FBXL7: variants seen among roughly 807,000 people sequenced by gnomAD.
FBXL7 encodes the protein F-box/LRR-repeat protein 7.
In FBXL7, 12 loss-of-function variants were observed where a neutral mutation model predicts 38.3. That is an observed-to-expected ratio of 0.31 (90% CI 0.20 to 0.51). The LOEUF (loss-of-function observed/expected upper bound fraction) is 0.51, where lower values mean the gene tolerates loss of function less well. FBXL7 is among the 20% of genes least tolerant of loss of function. FBXL7 has a pLI of 0.98. For synonymous variants in FBXL7, 297 were observed against 300.9 expected, an observed-to-expected ratio of 0.99 and a Z score of 0.13; for missense variants, 567 against 676.4, an observed-to-expected ratio of 0.84 and a Z score of 1.79.
At chr5:15,619,059 G>C (rs534810235) in intron 2 of FBXL7, among the ~76,000 whole-genome samples, 1 of 152,260 alleles carries the variant, frequency 6.6e-6, no homozygotes, top group Non-Finnish European at 1.5e-5. Flanking sequence ...TCTTTCCCAT[G>C]ATTCTTCCCT....
Position 15,921,106 on chromosome 5 carries a change from G to C in FBXL7, c.128-6784G>C, listed in dbSNP as rs1016575712. ...AAGTCTTATATTTGAAATTAGCTGG[G>C]AACAGTGGCTCACGCCTGTAATCTC... is the stretch of plus-strand genomic sequence containing the variant. On this transcript the variant is annotated intron_variant, in intron 2 of 3. Coordinates refer to ENST00000504595, the MANE Select transcript of FBXL7 (RefSeq NM_012304.5). 2.0e-5 allele frequency among the ~76,000 whole-genome samples: 3 copies of C among 152,100 alleles called. No individual in the cohort carries two copies. The South Asian group carries it at 6.2e-4, about 32-fold the overall frequency.
intron 2 of FBXL7, among the ~76,000 whole-genome samples, chr5:15,835,878 A>G (rs374307690): frequency 1.3e-5 from 2 of 152,170 alleles, no homozygotes; most frequent in Admixed American, 6.6e-5. Context: ...TAAAAAAACT[A>G]TATGTCTTGT....
At chr5:15,804,739 A>T (rs1026461178) in intron 2 of FBXL7, among the ~76,000 whole-genome samples, 2 of 152,066 alleles carry the variant, frequency 1.3e-5, no homozygotes, top group African/African-American at 4.8e-5. Flanking sequence ...TGAGAACCTG[A>T]TTGTGAACTG....
intron 2 of FBXL7, among the ~76,000 whole-genome samples, chr5:15,715,152 A>G (rs1288117721): frequency 6.6e-6 from 1 of 152,092 alleles, no homozygotes; most frequent in Non-Finnish European, 1.5e-5. Context: ...GTCAATAGGA[A>G]ACTATATATA....
At chr5:15,816,466 A>C (rs755789700) in intron 2 of FBXL7, among the ~76,000 whole-genome samples, 1 of 152,040 alleles carries the variant, frequency 6.6e-6, no homozygotes, top group Non-Finnish European at 1.5e-5. Context: ...ACAGAGTGGT[A>C]TAATGGACAT....
Position 15,616,037 on chromosome 5 carries a change from C to A in FBXL7, c.92C>A (p.Pro31His), listed in dbSNP as rs762550943. ...SDVSSSTDHT[P>H]TKAQKNVATS... ...GTGAGTTCAAGTACAGATCACACGCCCACTAAAGCCCAGAAGAATGTGGCT... is the reference window on the plus strand; with the variant it reads ...GTGAGTTCAAGTACAGATCACACGCACACTAAAGCCCAGAAGAATGTGGCT... The change falls in exon 2 of 4, where the codon CCC (proline) becomes CAC (histidine). Residue 31 changes from proline (P) to histidine (H), a missense_variant. Pro to His is a moderately conservative substitution (Grantham distance 77). Coordinates refer to ENST00000504595, the MANE Select transcript of FBXL7 (RefSeq NM_012304.5). The A allele has an allele frequency of 2.5e-6, 4 of 1,613,368 alleles. No homozygotes were observed. In the African/African-American group the frequency reaches 5.3e-5, roughly 22 times the overall value.
intron 2 of FBXL7, among the ~76,000 whole-genome samples, chr5:15,633,322 T>C (rs1417550368): frequency 6.6e-6 from 1 of 152,198 alleles, no homozygotes; most frequent in Non-Finnish European, 1.5e-5. Flanking sequence ...GAATGTGACT[T>C]GATCAAAATT....
intron 2 of FBXL7, among the ~76,000 whole-genome samples, chr5:15,920,566 A>T (rs1292354247): frequency 1.3e-5 from 2 of 151,754 alleles, no homozygotes; most frequent in Non-Finnish European, 2.9e-5. Context: ...TGTCACCCAC[A>T]CTGGAGTGCA....
intron 2 of FBXL7, among the ~76,000 whole-genome samples, chr5:15,800,238 G>A (rs1205882401): frequency 6.6e-6 from 1 of 152,044 alleles, no homozygotes. Flanking sequence ...GTGTCTGGTG[G>A]GCAGCAGGAA....
intron 2 of FBXL7, among the ~76,000 whole-genome samples, chr5:15,842,210 C>T (rs1385520732): frequency 1.3e-5 from 2 of 152,298 alleles, no homozygotes; most frequent in East Asian, 3.9e-4. Flanking sequence ...GGCAGCCCAC[C>T]TCTTGCATCA....
At chr5:15,759,344 C>CT (rs961290000) in intron 2 of FBXL7, among the ~76,000 whole-genome samples, 1 of 151,962 alleles carries the variant, frequency 6.6e-6, no homozygotes, top group African/African-American at 2.4e-5. Context: ...ACTTTCCTCA[C>CT]TTTTTTTTAA....
intron 2 of FBXL7, among the ~76,000 whole-genome samples, chr5:15,765,341 C>G (rs551149518): frequency 1.2e-4 from 19 of 152,098 alleles, no homozygotes; most frequent in African/African-American, 4.3e-4. Context: ...CAAGATTTAC[C>G]CAATCCCCAG....
intron 2 of FBXL7, among the ~76,000 whole-genome samples, chr5:15,626,839 A>T (rs148231388): frequency 1.5e-3 from 226 of 152,290 alleles, no homozygotes; most frequent in African/African-American, 4.9e-3. Context: ...GAAAGCTTGC[A>T]TCATTCCTAA....
chr5:15,805,241 C>G (rs894295734), intron 2 of FBXL7, among the ~76,000 whole-genome samples: 1 of 152,168 alleles, frequency 6.6e-6, no homozygotes, highest in Non-Finnish European at 1.5e-5. Context: ...TATGAATTTT[C>G]TGGGAGCACA....
chr5:15,801,839 G>T (rs192128689), intron 2 of FBXL7, among the ~76,000 whole-genome samples: 155 of 151,718 alleles, frequency 1.0e-3, no homozygotes, highest in Admixed American at 1.6e-3. Context: ...TTTCGGGGGG[G>T]GCGGGGTTAG....
intron 2 of FBXL7, among the ~76,000 whole-genome samples, chr5:15,654,991 T>C (rs766901600): frequency 3.5e-4 from 54 of 152,352 alleles, no homozygotes; most frequent in Admixed American, 2.2e-3. Flanking sequence ...ATGAATCTTA[T>C]GCTAAATGGG....
intron 2 of FBXL7, among the ~76,000 whole-genome samples, chr5:15,700,732 T>C (rs1038656230): frequency 6.6e-6 from 1 of 152,242 alleles, no homozygotes; most frequent in Admixed American, 6.5e-5. Flanking sequence ...TGGTTGATAC[T>C]TTTTGGATAA....
At chr5:15,594,629 G>A (rs76058396) in intron 1 of FBXL7, among the ~76,000 whole-genome samples, 1 of 152,218 alleles carries the variant, frequency 6.6e-6, no homozygotes, top group Non-Finnish European at 1.5e-5. Flanking sequence ...GACCTGAAGA[G>A]GCTGCTGCTA....
chr5:15,779,660 T>C (rs1180774388), intron 2 of FBXL7, among the ~76,000 whole-genome samples: 1 of 152,140 alleles, frequency 6.6e-6, no homozygotes, highest in Non-Finnish European at 1.5e-5. Flanking sequence ...TTCATATCAC[T>C]TTGATAAAAT....
Sources: allele counts gnomAD v4.1 joint callset (sites outside exome capture counted in the v4.1 genomes callset), GRCh38; gene constraint gnomAD v4.1.1; transcripts MANE v1.5; gene names NCBI Gene and HGNC (gene_info 2026-07-23, HGNC 2026-07-21).